ADAMTS3: variants seen among roughly 807,000 people sequenced by gnomAD.
ADAMTS3 encodes the protein A disintegrin and metalloproteinase with thrombospondin motifs 3.
Under a neutral mutation model 129.0 loss-of-function variants are expected in ADAMTS3, and 73 were observed. The observed-to-expected ratio is 0.57, with a 90% CI of 0.47 to 0.69. The LOEUF is 0.69. Ranked by LOEUF, ADAMTS3 falls within the 30% of genes least tolerant of loss-of-function variation. The probability of loss-of-function intolerance (pLI) is 0.00; values close to 1 mark genes in which losing one functional copy is unlikely to be tolerated. For missense variants in ADAMTS3, 1,457 were observed against 1,514.5 expected, an observed-to-expected ratio of 0.96 and a Z score of 0.63; for synonymous variants, 477 against 510.8, an observed-to-expected ratio of 0.93 and a Z score of 0.89.
chr4:72,333,316 A>C (rs1719898236), intron 5 of ADAMTS3, among the ~76,000 whole-genome samples: 1 of 152,018 alleles, frequency 6.6e-6, no homozygotes, highest in African/African-American at 2.4e-5. Context: ...TTATTGACCA[A>C]CTCATCTACA....
intron 4 of ADAMTS3, among the ~76,000 whole-genome samples, chr4:72,372,140 T>A (rs1307675094): frequency 6.6e-6 from 1 of 152,136 alleles, no homozygotes; most frequent in Non-Finnish European, 1.5e-5. Flanking sequence ...TAGCCTCTAA[T>A]GCCTACATTG....
chr4:72,422,446 T>C (rs1722470959), intron 3 of ADAMTS3, among the ~76,000 whole-genome samples: 1 of 152,160 alleles, frequency 6.6e-6, no homozygotes, highest in South Asian at 2.1e-4. Flanking sequence ...TTTTTAAATA[T>C]TTATTTTTAG....
intron 3 of ADAMTS3, among the ~76,000 whole-genome samples, chr4:72,516,398 T>C (rs1459399494): frequency 6.6e-6 from 1 of 152,176 alleles, no homozygotes; most frequent in Non-Finnish European, 1.5e-5. Flanking sequence ...TTGATGGGGA[T>C]GGCACCAAAT....
intron 4 of ADAMTS3, among the ~76,000 whole-genome samples, chr4:72,373,410 A>G (rs1721061024): frequency 6.6e-6 from 1 of 152,222 alleles, no homozygotes; most frequent in Non-Finnish European, 1.5e-5. Flanking sequence ...AAATGAATTT[A>G]AAAATTGTGG....
chr4:72,304,087 G>A lies in ADAMTS3; in HGVS notation c.2261-7C>T, dbSNP rs907620811. 2 of 1,611,096 alleles carry A rather than the reference G, an allele frequency of 1.2e-6. No homozygotes were observed. Among genetic ancestry groups the A allele is most frequent in the Non-Finnish European group, 8.5e-7 (1 of 1,178,638 alleles). On this transcript the variant is annotated splice_polypyrimidine_tract_variant and splice_region_variant and intron_variant, in intron 16 of 21. Transcript: ENST00000286657. ...GTAGCCTGGTTCTTAATAGCTAAAG[G>A]GAGAAAAATGAGTAACCAGCATACA...
chr4:72,379,967 A>G (rs1414963262), intron 4 of ADAMTS3, among the ~76,000 whole-genome samples: 1 of 152,106 alleles, frequency 6.6e-6, no homozygotes, highest in Non-Finnish European at 1.5e-5. Context: ...CTTCTCATTC[A>G]TCATATACAT....
At chr4:72,517,047 G>T (rs964702016) in intron 3 of ADAMTS3, among the ~76,000 whole-genome samples, 17 of 152,078 alleles carry the variant, frequency 1.1e-4, no homozygotes, top group African/African-American at 2.4e-4. Context: ...TAGCATGAAG[G>T]GCTGTTGAAT....
chr4:72,331,669 T>C (rs940802227), intron 5 of ADAMTS3, among the ~76,000 whole-genome samples: 2 of 152,220 alleles, frequency 1.3e-5, no homozygotes, highest in Middle Eastern at 3.4e-3. Context: ...CTAGAGTGTC[T>C]CCAAAGACTC....
intron 3 of ADAMTS3, among the ~76,000 whole-genome samples, chr4:72,511,227 C>A (rs1257389183): frequency 6.6e-6 from 1 of 152,078 alleles, no homozygotes; most frequent in South Asian, 2.1e-4. Flanking sequence ...ACAAAAAATT[C>A]TTGATCAATA....
At chr4:72,516,702 G>C (rs1211533817) in intron 3 of ADAMTS3, among the ~76,000 whole-genome samples, 1 of 152,068 alleles carries the variant, frequency 6.6e-6, no homozygotes, top group Non-Finnish European at 1.5e-5. Context: ...CTGACACTTT[G>C]CTGAAGTTGC....
At position 72,569,011 on chromosome 4, in the gene ADAMTS3, C is replaced by T. The variant is rs533493934; in HGVS notation, c.-249G>A. 4.8e-4 allele frequency: 262 copies of T among 547,966 alleles called. No individual in the cohort carries two copies. Among genetic ancestry groups the T allele is most frequent in the Middle Eastern group, 2.5e-3 (5 of 2,032 alleles). 33.9% of individuals were successfully genotyped at this position (547,966 alleles called of 1,614,324 possible). ...CCTCCCAACACAGAGTGTGCAGGAG[C>T]GAGAAGGTGCTGTAAGCGGGCACAG... On this transcript the variant is annotated 5_prime_UTR_variant, in exon 1 of 22. Coordinates refer to ENST00000286657, the MANE Select transcript of ADAMTS3 (RefSeq NM_014243.3).
At chr4:72,485,883 G>A (rs111845871) in intron 3 of ADAMTS3, among the ~76,000 whole-genome samples, 2 of 152,264 alleles carry the variant, frequency 1.3e-5, no homozygotes, top group African/African-American at 4.8e-5. Context: ...GAGCCTGTTT[G>A]CCCCTTCCAC....
At chr4:72,421,406 T>C (rs1408719440) in intron 3 of ADAMTS3, among the ~76,000 whole-genome samples, 2 of 152,176 alleles carry the variant, frequency 1.3e-5, no homozygotes, top group Non-Finnish European at 2.9e-5. Context: ...AGTGCCTGGC[T>C]CAAAGTAGGT....
At chr4:72,526,733 CATATATATAT>C (rs36097990) in intron 3 of ADAMTS3, among the ~76,000 whole-genome samples, 13,199 of 98,328 alleles carry the variant, frequency 0.13, 946 homozygotes, top group Non-Finnish European at 0.15. Context: ...TATATACATA[CATATATATAT>C]ATATATATAT....
intron 3 of ADAMTS3, among the ~76,000 whole-genome samples, chr4:72,537,851 A>G (rs1721221167): frequency 6.6e-6 from 1 of 152,240 alleles, no homozygotes; most frequent in Non-Finnish European, 1.5e-5. Context: ...CTTTAAAACA[A>G]GTGTCTTAAA....
chr4:72,302,457 T>C (rs1718976004), intron 17 of ADAMTS3, among the ~76,000 whole-genome samples: 1 of 152,068 alleles, frequency 6.6e-6, no homozygotes, highest in African/African-American at 2.4e-5. Context: ...CTGAAAAATG[T>C]ATTTTAAAAA....
chr4:72,477,021 G>C (rs1384544502), intron 3 of ADAMTS3, among the ~76,000 whole-genome samples: 1 of 151,806 alleles, frequency 6.6e-6, no homozygotes, highest in East Asian at 1.9e-4. Context: ...GGAGTAGAAG[G>C]GAACTTCCTC....
At chr4:72,450,964 G>T (rs954429932) in intron 3 of ADAMTS3, among the ~76,000 whole-genome samples, 4 of 143,718 alleles carry the variant, frequency 2.8e-5, no homozygotes, top group African/African-American at 1.0e-4. Flanking sequence ...AGGCAGGCAG[G>T]CAAAAAGAAG....
At chr4:72,433,774 C>T (rs1469323882) in intron 3 of ADAMTS3, among the ~76,000 whole-genome samples, 1 of 151,682 alleles carries the variant, frequency 6.6e-6, no homozygotes, top group Admixed American at 6.6e-5. Flanking sequence ...TTATTTCTAA[C>T]AAAATTATCA....
Sources: gnomAD v4.1 joint callset for allele counts (sites outside exome capture counted in the v4.1 genomes callset) on GRCh38, gnomAD v4.1.1 for gene constraint, MANE v1.5 for transcripts, NCBI Gene and HGNC (gene_info 2026-07-23, HGNC 2026-07-21) for gene names.